TNR: variants seen among roughly 807,000 people sequenced by gnomAD.
The protein encoded by TNR is tenascin R, also known as tenascin-R.
TNR carries 45 observed loss-of-function variants against 150.4 expected under a neutral mutation model. That is an observed-to-expected ratio of 0.30 (90% CI 0.24 to 0.38). TNR has a LOEUF of 0.38. TNR is among the 10% of genes least tolerant of loss of function. TNR has a pLI of 1.00. For missense variants in TNR, 1,544 were observed against 1,759.1 expected (o/e 0.88, Z 2.19); for synonymous variants, 687 against 678.4 (o/e 1.01, Z -0.20).
chr1:175,487,909 T>C (rs1477313923), intron 2 of TNR, among the ~76,000 whole-genome samples: 1 of 152,200 alleles, frequency 6.6e-6, no homozygotes, highest in African/African-American at 2.4e-5. Context: ...TACTTTGGAT[T>C]TTGAACTTGC....
chr1:175,606,861 C>A (rs1261801178), intron 1 of TNR, among the ~76,000 whole-genome samples: 1 of 152,170 alleles, frequency 6.6e-6, no homozygotes, highest in Admixed American at 6.5e-5. Flanking sequence ...GGGGTCAAGT[C>A]TGAAGAAGCT....
At chr1:175,541,917 C>A (rs1238977584) in intron 1 of TNR, among the ~76,000 whole-genome samples, 1 of 152,148 alleles carries the variant, frequency 6.6e-6, no homozygotes, top group Non-Finnish European at 1.5e-5. Context: ...TTTGTCCTAC[C>A]GAGATGGCAA....
chr1:175,600,882 C>G (rs1181092952), intron 1 of TNR, among the ~76,000 whole-genome samples: 2 of 152,190 alleles, frequency 1.3e-5, no homozygotes, highest in Non-Finnish European at 2.9e-5. Flanking sequence ...GAATTTAAGA[C>G]TTACGCTACA....
intron 18 of TNR, among the ~76,000 whole-genome samples, chr1:175,340,560 G>A (rs944834776): frequency 3.3e-5 from 5 of 152,154 alleles, no homozygotes; most frequent in Non-Finnish European, 5.9e-5. Context: ...GCTCACTAAT[G>A]GTTCTCAGAC....
chr1:175,696,873 C>T (rs2101923408), intron 1 of TNR, among the ~76,000 whole-genome samples: 1 of 119,068 alleles, frequency 8.4e-6, no homozygotes, highest in South Asian at 3.3e-4. Context: ...GAGCGAAACT[C>T]CATCTCAAAA....
At chr1:175,517,593 A>G (rs1476366639) in intron 2 of TNR, among the ~76,000 whole-genome samples, 32 of 152,300 alleles carry the variant, frequency 2.1e-4, no homozygotes, top group African/African-American at 2.4e-5. Context: ...CCAGTCCCCA[A>G]TGGATAGAAT....
chr1:175,419,285 ATG>A (rs1282535311), intron 2 of TNR, among the ~76,000 whole-genome samples: 1 of 152,200 alleles, frequency 6.6e-6, no homozygotes, highest in East Asian at 1.9e-4. Context: ...GGACTTTTAA[ATG>A]TGTTCAATCT....
rs55795922 is a variant in TNR at position 175,370,338 on chromosome 1, C to CTTTTTTTTTTTTTTTTTTT, written c.1964-3060_1964-3042dup. On this transcript the variant is annotated intron_variant, in intron 9 of 22. Coordinates refer to ENST00000367674, the MANE Select transcript of TNR (RefSeq NM_003285.3). ...GAGAACTATTCCTGGATTTTGAGTA[C>CTTTTTTTTTTTTTTTTTTT]TTTTTTTTTTTTTTTTTTTTTTTTT... 1.7e-3 allele frequency among the ~76,000 whole-genome samples: 72 copies of CTTTTTTTTTTTTTTTTTTT among 42,976 alleles called. 5 individuals are homozygous for CTTTTTTTTTTTTTTTTTTT. The highest frequency in any genetic ancestry group is 5.5e-3 in the African/African-American group (65 of 11,806). The allele number at this position is 42,976 out of a possible 152,430, so 28.2% of individuals were successfully genotyped here. A position where few individuals can be genotyped will look rare whatever the true frequency, so the allele number is the denominator to read the frequency against.
chr1:175,523,006 C>CATTG (rs1376491982), intron 2 of TNR, among the ~76,000 whole-genome samples: 1 of 152,226 alleles, frequency 6.6e-6, no homozygotes, highest in East Asian at 1.9e-4. Context: ...TGTATCTGCA[C>CATTG]ATTGACCTTC....
intron 2 of TNR, among the ~76,000 whole-genome samples, chr1:175,526,904 A>G (rs180962065): frequency 4.5e-4 from 68 of 152,286 alleles, no homozygotes; most frequent in African/African-American, 1.2e-3. Flanking sequence ...TGGACAAGCT[A>G]TGTTCTCCTG....
chr1:175,628,039 A>T (rs1266120171), intron 1 of TNR, among the ~76,000 whole-genome samples: 1 of 152,210 alleles, frequency 6.6e-6, no homozygotes, highest in Non-Finnish European at 1.5e-5. Context: ...AATCTCACAG[A>T]AGGCAGGTGA....
chr1:175,574,660 G>A (rs1252603521), intron 1 of TNR, among the ~76,000 whole-genome samples: 2 of 152,090 alleles, frequency 1.3e-5, no homozygotes, highest in Non-Finnish European at 2.9e-5. Context: ...ACAAAGATCA[G>A]CCTCAACAGA....
At chr1:175,685,033 T>A (rs1666147381) in intron 1 of TNR, among the ~76,000 whole-genome samples, 1 of 152,140 alleles carries the variant, frequency 6.6e-6, no homozygotes, top group African/African-American at 2.4e-5. Context: ...GCTTGGTTCT[T>A]CCCCTCTAAG....
intron 2 of TNR, among the ~76,000 whole-genome samples, chr1:175,479,842 G>A (rs1193860603): frequency 6.6e-6 from 1 of 152,038 alleles, no homozygotes; most frequent in Non-Finnish European, 1.5e-5. Context: ...AGTTACTTCT[G>A]AGCCAAGCTA....
intron 14 of TNR, 38 bp downstream of exon 14, chr1:175,362,625 C>G: frequency 6.3e-7 from 1 of 1,598,134 alleles, no homozygotes; most frequent in Non-Finnish European, 8.6e-7. Context: ...GATCTTCAGC[C>G]AGGGTTCTGA....
chr1:175,395,407 C>G (rs1653381116), intron 5 of TNR, among the ~76,000 whole-genome samples: 1 of 152,148 alleles, frequency 6.6e-6, no homozygotes, highest in South Asian at 2.1e-4. Context: ...TATTTACTGG[C>G]CCGGGGGCTT....
intron 18 of TNR, among the ~76,000 whole-genome samples, chr1:175,344,007 A>C (rs1417424158): frequency 2.6e-5 from 4 of 152,228 alleles, no homozygotes; most frequent in African/African-American, 9.6e-5. Context: ...GCAGGAATGA[A>C]GCAGAGAAAG....
chr1:175,657,883 A>ATATATATATATGTGTG lies in TNR; in HGVS notation c.-165+85342_-165+85343insCACACATATATATATA, dbSNP rs1464419575. On this transcript the variant is annotated intron_variant, in intron 1 of 22. Coordinates refer to ENST00000367674, the MANE Select transcript of TNR (RefSeq NM_003285.3). Reference sequence around the variant, plus strand: ...TATATATATATATATATATATATATATGTAACAAACCTGCACGTTGTGCAC... The same window carrying ATATATATATATGTGTG: ...TATATATATATATATATATATATATATATATATATATGTGTGTGTAACAAACCTGCACGTTGTGCAC... Among the ~76,000 whole-genome samples, 24 of 101,134 alleles carry ATATATATATATGTGTG rather than the reference A, an allele frequency of 2.4e-4. 2 individuals are homozygous for ATATATATATATGTGTG. Among genetic ancestry groups the ATATATATATATGTGTG allele is most frequent in the East Asian group, 4.8e-4 (2 of 4,180 alleles). 66.3% of individuals were successfully genotyped at this position (101,134 alleles called of 152,430 possible).
chr1:175,610,099 A>G (rs139247903), intron 1 of TNR, among the ~76,000 whole-genome samples: 4 of 152,346 alleles, frequency 2.6e-5, no homozygotes, highest in South Asian at 4.1e-4. Context: ...ATAACCAGCC[A>G]CCTCAGGAAA....
Sources: gnomAD v4.1 joint callset for allele counts (sites outside exome capture counted in the v4.1 genomes callset) on GRCh38, gnomAD v4.1.1 for gene constraint, MANE v1.5 for transcripts, NCBI Gene and HGNC (gene_info 2026-07-23, HGNC 2026-07-21) for gene names.